The following DCLK1 variants were observed in gnomAD, a reference collection of about 807,000 sequenced individuals.
DCLK1 encodes the protein doublecortin like kinase 1, also known as serine/threonine-protein kinase DCLK1.
A neutral mutation model predicts 86.2 loss-of-function variants in DCLK1; 16 were observed. The ratio of observed to expected loss-of-function variants is 0.19; its 90% CI spans 0.13 to 0.28. The LOEUF is 0.28. Among genes scored for constraint, DCLK1 ranks in the 10% least tolerant of loss-of-function variants. The pLI is 1.00. For missense variants in DCLK1, 590 were observed against 940.2 expected, an observed-to-expected ratio of 0.63 and a Z score of 4.87; for synonymous variants, 369 against 370.5, an observed-to-expected ratio of 1.00 and a Z score of 0.05.
intron 3 of DCLK1, among the ~76,000 whole-genome samples, chr13:35,984,859 C>T (rs973638298): frequency 2.6e-5 from 4 of 151,794 alleles, no homozygotes; most frequent in Admixed American, 6.6e-5. Flanking sequence ...TTTCACACTC[C>T]GCACTCGACA....
chr13:36,125,010 C>T (rs1362092059), intron 2 of DCLK1, among the ~76,000 whole-genome samples: 1 of 152,114 alleles, frequency 6.6e-6, no homozygotes, highest in Non-Finnish European at 1.5e-5. Context: ...AGCCCAGAGT[C>T]GGTGACCTTC....
intron 5 of DCLK1, among the ~76,000 whole-genome samples, chr13:35,861,006 A>C (rs1378089439): frequency 6.6e-6 from 1 of 152,258 alleles, no homozygotes; most frequent in Non-Finnish European, 1.5e-5. Context: ...ATGGGTCCAG[A>C]GAAGAAATGG....
intron 3 of DCLK1, among the ~76,000 whole-genome samples, chr13:35,995,997 A>C (rs1880454781): frequency 6.6e-6 from 1 of 151,892 alleles, no homozygotes; most frequent in Non-Finnish European, 1.5e-5. Flanking sequence ...GGCTGGAGTT[A>C]AATATTATGC....
intron 11 of DCLK1, among the ~76,000 whole-genome samples, chr13:35,814,076 A>C (rs913781222): frequency 6.6e-6 from 1 of 152,078 alleles, no homozygotes; most frequent in Non-Finnish European, 1.5e-5. Context: ...CCCTTCCCTC[A>C]GTGGTTTAAG....
At chr13:35,843,327 C>G (rs146484413) in intron 6 of DCLK1, among the ~76,000 whole-genome samples, 1 of 152,134 alleles carries the variant, frequency 6.6e-6, no homozygotes, top group Non-Finnish European at 1.5e-5. Flanking sequence ...TTAATGGGAA[C>G]CATTTGGGCA....
chr13:35,811,106 A>G (rs1020572900), intron 11 of DCLK1, 138 bp from the exon 12 acceptor site: 2 of 1,032,354 alleles, frequency 1.9e-6, no homozygotes, highest in Non-Finnish European at 2.8e-6. Flanking sequence ...AAGAATGGAT[A>G]TACATACAAA....
Position 35,950,098 on chromosome 13 carries a change from C to A in DCLK1, c.724-2641G>T, listed in dbSNP as rs1367424943. Among the ~76,000 whole-genome samples the A allele has an allele frequency of 2.6e-5, 4 of 152,166 alleles. No individual in the cohort carries two copies. In the South Asian group the frequency reaches 8.3e-4, roughly 31 times the overall value. On this transcript the variant is annotated intron_variant, in intron 3 of 16. Coordinates refer to ENST00000360631, the MANE Select transcript of DCLK1 (RefSeq NM_001330071.2). ...TGCTTTCTGTTCGAAATCATGTAAC[C>A]ACTTTCCTGCTCACAACTTCCCATT...
chr13:36,093,368 G>A (rs142794899), intron 3 of DCLK1, among the ~76,000 whole-genome samples: 101 of 152,316 alleles, frequency 6.6e-4, no homozygotes, highest in African/African-American at 2.0e-3. Flanking sequence ...ATCTGTGAAA[G>A]GATATTTGCT....
intron 16 of DCLK1, among the ~76,000 whole-genome samples, chr13:35,793,048 T>C: frequency 6.6e-6 from 1 of 152,178 alleles, no homozygotes; most frequent in East Asian, 1.9e-4. Context: ...GAACTCTTTT[T>C]CTTAGAGCCA....
At chr13:36,059,868 C>CTTT (rs57867541) in intron 3 of DCLK1, among the ~76,000 whole-genome samples, 1 of 140,324 alleles carries the variant, frequency 7.1e-6, no homozygotes, top group Non-Finnish European at 1.5e-5. Context: ...ACTTAAATCT[C>CTTT]TTTTTTTTTT....
chr13:35,862,078 C>G (rs1293365347), intron 5 of DCLK1, among the ~76,000 whole-genome samples: 2 of 151,510 alleles, frequency 1.3e-5, no homozygotes, highest in South Asian at 2.1e-4. Flanking sequence ...TTCCCTCCCC[C>G]ATGCATGGTT....
At chr13:36,074,533 A>C (rs2153162202) in intron 3 of DCLK1, among the ~76,000 whole-genome samples, 2 of 141,364 alleles carry the variant, frequency 1.4e-5, no homozygotes, top group African/African-American at 2.6e-5. Flanking sequence ...AAGACAATAC[A>C]GTTTATTTGG....
rs137974704 is a variant in DCLK1 at position 35,811,913 on chromosome 13, C to T, written c.1555-945G>A. Among the ~76,000 whole-genome samples the T allele has an allele frequency of 1.7e-3, 251 of 152,024 alleles. 1 individual carries two copies. The highest frequency in any genetic ancestry group is 3.5e-3 in the African/African-American group (147 of 41,504). On this transcript the variant is annotated intron_variant, in intron 11 of 16. Transcript: ENST00000360631. ...AAAAAACTATACTTATAGTAAAATA[C>T]TTTATTTTCAGTGCCTCGTATTTTC...
chr13:35,994,861 T>C (rs1336811940), intron 3 of DCLK1, among the ~76,000 whole-genome samples: 1 of 152,210 alleles, frequency 6.6e-6, no homozygotes, highest in Non-Finnish European at 1.5e-5. Context: ...TCTTATCCAC[T>C]GCCTAAATAC....
chr13:35,802,404 C>A (rs2086940399), intron 15 of DCLK1, among the ~76,000 whole-genome samples: 1 of 151,968 alleles, frequency 6.6e-6, no homozygotes, highest in Admixed American at 6.6e-5. Context: ...CTTCAGGAGC[C>A]TTTTAAGGCC....
At position 35,810,918 on chromosome 13, in the gene DCLK1, T is replaced by C. The variant is rs142509831; in HGVS notation, c.1605A>G (p.Gly535=). ...GGGGGCCGTCTACAATGGTGGCCAG[T>C]CCAAAGTCACCCAGCTTCAGTGATT... ...GSKSLKLGDF[G]LATIVDGPLY... is the part of the protein sequence containing the mutation. The change falls in exon 12 of 17, where the codon GGA becomes GGG. Residue 535 remains glycine, a synonymous_variant. Transcript: ENST00000360631. 4.6e-5 allele frequency: 74 copies of C among 1,614,060 alleles called. No homozygotes were observed. In the African/African-American group the frequency reaches 8.7e-4, roughly 19 times the overall value.
At chr13:35,982,826 G>A (rs1879727556) in intron 3 of DCLK1, among the ~76,000 whole-genome samples, 1 of 151,238 alleles carries the variant, frequency 6.6e-6, no homozygotes, top group Non-Finnish European at 1.5e-5. Context: ...CAGTGGCATG[G>A]TCTTGGTTTA....
At chr13:35,928,368 T>C (rs1026154051) in intron 4 of DCLK1, among the ~76,000 whole-genome samples, 1 of 152,178 alleles carries the variant, frequency 6.6e-6, no homozygotes, top group Non-Finnish European at 1.5e-5. Context: ...TCAGGCCCTC[T>C]GCACTAACTG....
chr13:35,970,998 G>A lies in DCLK1; in HGVS notation c.724-23541C>T, dbSNP rs192080270. ...AGCAAAGGGCCCATGGAGTAACAGA[G>A]AAACAAGCTACAAATTTGTTAGGGT... On this transcript the variant is annotated intron_variant, in intron 3 of 16. Coordinates refer to ENST00000360631, the MANE Select transcript of DCLK1 (RefSeq NM_001330071.2). 2.1e-3 allele frequency among the ~76,000 whole-genome samples: 321 copies of A among 152,214 alleles called. 5 individuals carry two copies. Among genetic ancestry groups the A allele is most frequent in the East Asian group, 3.1e-3 (16 of 5,170 alleles).
Sources: allele counts gnomAD v4.1 joint callset (sites outside exome capture counted in the v4.1 genomes callset), GRCh38; gene constraint gnomAD v4.1.1; transcripts MANE v1.5; gene names NCBI Gene and HGNC (gene_info 2026-07-23, HGNC 2026-07-21).